FAM13A: variants seen among roughly 807,000 people sequenced by gnomAD.
The protein encoded by FAM13A is family with sequence similarity 13 member A, also known as protein FAM13A.
In FAM13A, 76 loss-of-function variants were observed where a neutral mutation model predicts 129.6. The observed-to-expected ratio is 0.59, with a 90% confidence interval of 0.49 to 0.71. The LOEUF (loss-of-function observed/expected upper bound fraction) is 0.71, where lower values mean the gene tolerates loss of function less well. FAM13A is among the 30% of genes least tolerant of loss of function. The pLI is 0.00. For synonymous variants in FAM13A, 443 were observed against 449.9 expected, an observed-to-expected ratio of 0.98 and a Z score of 0.20; for missense variants, 1,108 against 1,249.3, an observed-to-expected ratio of 0.89 and a Z score of 1.70.
chr4:88,919,198 T>C (rs756573567), intron 5 of FAM13A, among the ~76,000 whole-genome samples: 10 of 152,378 alleles, frequency 6.6e-5, no homozygotes, highest in Middle Eastern at 3.4e-3. Context: ...CTGGTTAGCA[T>C]ACAGTAAACC....
At chr4:88,960,873 A>G (rs1005518901) in intron 4 of FAM13A, among the ~76,000 whole-genome samples, 1 of 152,228 alleles carries the variant, frequency 6.6e-6, no homozygotes, top group Non-Finnish European at 1.5e-5. Flanking sequence ...TACTAATCAG[A>G]AAAACATCAA....
At chr4:88,963,616 T>C (rs1449677461) in intron 4 of FAM13A, among the ~76,000 whole-genome samples, 1 of 152,156 alleles carries the variant, frequency 6.6e-6, no homozygotes, top group Non-Finnish European at 1.5e-5. Flanking sequence ...ATCTTTTTAG[T>C]AGGGATGAGA....
At chr4:88,977,035 A>G (rs28540701) in intron 4 of FAM13A, among the ~76,000 whole-genome samples, 107,355 of 152,002 alleles carry the variant, frequency 0.71, 38,147 homozygotes, top group Middle Eastern at 0.8. Context: ...TCAGCTAACA[A>G]TGATGCATTT....
At chr4:88,837,899 CT>C in intron 7 of FAM13A, among the ~76,000 whole-genome samples, 1 of 151,834 alleles carries the variant, frequency 6.6e-6, no homozygotes. Context: ...TATAGTTGGC[CT>C]TTTGTGTCCA....
chr4:88,845,267 A>G (rs1736450970), intron 7 of FAM13A, among the ~76,000 whole-genome samples: 1 of 152,126 alleles, frequency 6.6e-6, no homozygotes, highest in Admixed American at 6.5e-5. Flanking sequence ...CACAGAACAA[A>G]GTTGAGAGGG....
chr4:89,015,290 C>G (rs536948249), intron 3 of FAM13A, among the ~76,000 whole-genome samples: 2 of 152,148 alleles, frequency 1.3e-5, no homozygotes, highest in Non-Finnish European at 2.9e-5. Context: ...TATTTTATTA[C>G]CTGGTGAAGC....
At chr4:89,025,242 A>ACTGT (rs1767774329) in intron 2 of FAM13A, among the ~76,000 whole-genome samples, 2 of 55,456 alleles carry the variant, frequency 3.6e-5, no homozygotes, top group African/African-American at 5.9e-5. Context: ...CCATGGAATC[A>ACTGT]TTGTTTTTTT....
rs1477293216 is a variant in FAM13A at position 88,906,467 on chromosome 4, A to G, written c.760-5T>C. ...GGAGTTCTTATAATAGACCTCCTAC[A>G]AAAGAAGTATAAAGGAAACATTAGA... is the stretch of plus-strand genomic sequence containing the variant. On this transcript the variant is annotated splice_region_variant and splice_polypyrimidine_tract_variant and intron_variant, in intron 5 of 23. Transcript: ENST00000264344. 6.3e-7 allele frequency: 1 copy of G among 1,582,060 alleles called. No homozygotes were observed. The highest frequency in any genetic ancestry group is 8.6e-7 in the Non-Finnish European group (1 of 1,157,502).
chr4:88,889,320 G>A (rs953653760), intron 6 of FAM13A, among the ~76,000 whole-genome samples: 33 of 151,988 alleles, frequency 2.2e-4, no homozygotes, highest in African/African-American at 4.8e-5. Context: ...CAGGCAATTC[G>A]TCTTTTTATT....
chr4:88,939,340 C>T (rs1754362953), intron 4 of FAM13A, among the ~76,000 whole-genome samples: 1 of 152,132 alleles, frequency 6.6e-6, no homozygotes, highest in South Asian at 2.1e-4. Context: ...TCTCTCTCTG[C>T]TCCACCATCA....
At chr4:88,872,211 T>C (rs151087946) in intron 6 of FAM13A, among the ~76,000 whole-genome samples, 37 of 152,294 alleles carry the variant, frequency 2.4e-4, no homozygotes, top group East Asian at 2.1e-3. Context: ...GTAAACACCA[T>C]TGATGCTAGG....
chr4:89,024,419 A>T (rs192805754), intron 2 of FAM13A, among the ~76,000 whole-genome samples: 61 of 152,342 alleles, frequency 4.0e-4, no homozygotes, highest in African/African-American at 1.4e-3. Flanking sequence ...TTAAATGAAA[A>T]TATCCAAAAT....
At chr4:88,977,398 A>G (rs1458341496) in intron 4 of FAM13A, among the ~76,000 whole-genome samples, 2 of 152,194 alleles carry the variant, frequency 1.3e-5, no homozygotes, top group African/African-American at 4.8e-5. Flanking sequence ...TCCAGAGAAG[A>G]GTTCACATAT....
chr4:88,914,388 C>A (rs1249855658), intron 5 of FAM13A, among the ~76,000 whole-genome samples: 1 of 152,182 alleles, frequency 6.6e-6, no homozygotes, highest in African/African-American at 2.4e-5. Context: ...TGATCTAGCT[C>A]TTGCCTATGT....
intron 15 of FAM13A, 107 bp downstream of exon 15, chr4:88,750,317 T>G: frequency 1.1e-6 from 1 of 888,774 alleles, no homozygotes; most frequent in Non-Finnish European, 1.8e-6. Flanking sequence ...TGTTGCTCCA[T>G]AGGCTCACGA....
At chr4:88,836,378 T>A (rs1734807577) in intron 7 of FAM13A, among the ~76,000 whole-genome samples, 1 of 152,232 alleles carries the variant, frequency 6.6e-6, no homozygotes, top group South Asian at 2.1e-4. Flanking sequence ...TAGCAGAAAT[T>A]CTCAAATTAT....
intron 5 of FAM13A, among the ~76,000 whole-genome samples, chr4:88,907,912 G>T (rs1373018988): frequency 6.6e-6 from 1 of 152,210 alleles, no homozygotes; most frequent in African/African-American, 2.4e-5. Flanking sequence ...AAGGTGATGT[G>T]TCCAAGATCA....
chr4:88,732,760 G>T (rs958786646), intron 21 of FAM13A, among the ~76,000 whole-genome samples: 2 of 151,756 alleles, frequency 1.3e-5, no homozygotes, highest in Non-Finnish European at 2.9e-5. Flanking sequence ...AAGACTGAAA[G>T]ATATTATATT....
At chr4:88,810,901 C>T (rs1046450453) in intron 7 of FAM13A, among the ~76,000 whole-genome samples, 9 of 151,984 alleles carry the variant, frequency 5.9e-5, no homozygotes, top group African/African-American at 2.2e-4. Flanking sequence ...TTTTCTATTT[C>T]GTTATTAATA....
Sources: allele counts gnomAD v4.1 joint callset (sites outside exome capture counted in the v4.1 genomes callset), GRCh38; gene constraint gnomAD v4.1.1; transcripts MANE v1.5; gene names NCBI Gene and HGNC (gene_info 2026-07-23, HGNC 2026-07-21).